The following GREB1L variants were observed in gnomAD, a reference collection of about 807,000 sequenced individuals.
The protein encoded by GREB1L is GREB1 like retinoic acid receptor coactivator.
Under a neutral mutation model 200.8 loss-of-function variants are expected in GREB1L, and 17 were observed. The ratio of observed to expected loss-of-function variants is 0.08; its 90% confidence interval spans 0.06 to 0.13. The LOEUF (loss-of-function observed/expected upper bound fraction) is 0.13, where lower values mean the gene tolerates loss of function less well. Ranked by LOEUF, GREB1L falls within the 10% of genes least tolerant of loss-of-function variation. GREB1L has a pLI of 1.00. For missense variants in GREB1L, 1,657 were observed against 2,367.7 expected, an observed-to-expected ratio of 0.70 and a Z score of 6.23; for synonymous variants, 789 against 893.0, an observed-to-expected ratio of 0.88 and a Z score of 2.08.
chr18:21,290,739 C>T (rs566636885), intron 1 of GREB1L, among the ~76,000 whole-genome samples: 5 of 150,888 alleles, frequency 3.3e-5, no homozygotes, highest in African/African-American at 1.2e-4. Context: ...CAGGAGAAAT[C>T]GCTTGAACCT....
chr18:21,408,137 A>C (rs2030501301), intron 7 of GREB1L, among the ~76,000 whole-genome samples: 1 of 144,054 alleles, frequency 6.9e-6, no homozygotes, highest in African/African-American at 2.5e-5. Flanking sequence ...TACACACACA[A>C]AAAAAGATAG....
intron 1 of GREB1L, among the ~76,000 whole-genome samples, chr18:21,352,582 T>C (rs1047297277): frequency 6.6e-6 from 1 of 151,812 alleles, no homozygotes; most frequent in Non-Finnish European, 1.5e-5. Context: ...TGCAGGTGCA[T>C]GCCACCATGC....
chr18:21,407,253 A>T (rs1165260929), intron 7 of GREB1L, among the ~76,000 whole-genome samples: 1 of 152,182 alleles, frequency 6.6e-6, no homozygotes, highest in East Asian at 1.9e-4. Context: ...TTTTTACTGA[A>T]GGGGGCTATA....
intron 23 of GREB1L, among the ~76,000 whole-genome samples, chr18:21,501,363 T>A (rs1411839272): frequency 1.3e-5 from 2 of 151,990 alleles, no homozygotes; most frequent in East Asian, 3.9e-4. Context: ...GTCATCTACG[T>A]TTTAAGCCCC....
rs11355874 is a variant in GREB1L at position 21,463,134 on chromosome 18, C to CTTTTTT, written c.2182+8595_2182+8600dup. On this transcript the variant is annotated intron_variant, in intron 15 of 32. Coordinates refer to ENST00000424526, the MANE Select transcript of GREB1L (RefSeq NM_001142966.3). ...CCGATAGGTAAATAGCTTAATGGTTCTTTTTTTTTTTTTTTTTTTTTTTTT... is the reference window on the plus strand; with the variant it reads ...CCGATAGGTAAATAGCTTAATGGTTCTTTTTTTTTTTTTTTTTTTTTTTTTTTTTTT... Among the ~76,000 whole-genome samples, 10 of 55,682 alleles carry CTTTTTT rather than the reference C, an allele frequency of 1.8e-4. 2 individuals are homozygous for CTTTTTT. The highest frequency in any genetic ancestry group is 4.0e-4 in the African/African-American group (5 of 12,636). The allele number at this position is 55,682 out of a possible 152,430, so 36.5% of individuals were successfully genotyped here.
At position 21,373,731 on chromosome 18, in the gene GREB1L, C is replaced by G. The variant is rs575640652; in HGVS notation, c.-10+7595C>G. Among the ~76,000 whole-genome samples, 4 of 152,278 alleles carry G rather than the reference C, an allele frequency of 2.6e-5. No homozygotes were observed. In the East Asian group the frequency reaches 5.8e-4, roughly 22 times the overall value. On this transcript the variant is annotated intron_variant, in intron 2 of 32. Coordinates refer to ENST00000424526, the MANE Select transcript of GREB1L (RefSeq NM_001142966.3). ...TGGTTACTTGGAAGTACAGAAAGAG[C>G]AGAATAAATGCTTTGTTCTTTTCTT... is the stretch of plus-strand genomic sequence containing the variant.
intron 7 of GREB1L, among the ~76,000 whole-genome samples, chr18:21,421,311 A>C (rs1169124548): frequency 1.3e-5 from 2 of 152,242 alleles, no homozygotes; most frequent in Admixed American, 1.3e-4. Flanking sequence ...CAACAGCATA[A>C]GAATGGATTA....
At chr18:21,278,910 A>G (rs368935512) in intron 1 of GREB1L, among the ~76,000 whole-genome samples, 1 of 152,216 alleles carries the variant, frequency 6.6e-6, no homozygotes, top group Non-Finnish European at 1.5e-5. Flanking sequence ...TAATAGTTAC[A>G]TTAGAATAGC....
At chr18:21,506,012 G>A in intron 25 of GREB1L, 63 bp downstream of exon 25, 1 of 1,459,206 alleles carries the variant, frequency 6.9e-7, no homozygotes, top group Non-Finnish European at 9.1e-7. Flanking sequence ...GTAAGGGTGG[G>A]GGGTGGAGGG....
chr18:21,271,649 CAAAAA>C (rs1191889292), intron 1 of GREB1L, among the ~76,000 whole-genome samples: 1 of 51,952 alleles, frequency 1.9e-5, no homozygotes, highest in Non-Finnish European at 4.1e-5. Context: ...GACCCTGTCT[CAAAAA>C]AAAAAAAAAA....
intron 1 of GREB1L, among the ~76,000 whole-genome samples, chr18:21,275,470 A>G (rs2038147263): frequency 6.6e-6 from 1 of 151,978 alleles, no homozygotes; most frequent in Non-Finnish European, 1.5e-5. Context: ...CCTGGCCAAC[A>G]TAGTGAAATC....
intron 30 of GREB1L, 52 bp downstream of exon 30, chr18:21,516,806 A>T (rs1433797510): frequency 1.3e-6 from 2 of 1,487,916 alleles, no homozygotes; most frequent in Non-Finnish European, 1.8e-6. Context: ...AATGATAATG[A>T]CTATCTTTGT....
chr18:21,308,053 T>C (rs1204534659), intron 1 of GREB1L, among the ~76,000 whole-genome samples: 3 of 152,258 alleles, frequency 2.0e-5, no homozygotes, highest in Non-Finnish European at 2.9e-5. Flanking sequence ...ATGTGCCATC[T>C]GTTTCCTGTT....
intron 1 of GREB1L, among the ~76,000 whole-genome samples, chr18:21,346,311 C>G (rs983447212): frequency 3.9e-5 from 6 of 152,094 alleles, no homozygotes; most frequent in African/African-American, 1.4e-4. Flanking sequence ...AAACACTCTC[C>G]CTGCATCCTG....
chr18:21,253,673 A>G (rs931982583), intron 1 of GREB1L, among the ~76,000 whole-genome samples: 7 of 152,230 alleles, frequency 4.6e-5, no homozygotes, highest in African/African-American at 1.7e-4. Flanking sequence ...CAAATCAGAA[A>G]AAGAAACATT....
chr18:21,395,213 A>G (rs909844999), intron 4 of GREB1L, among the ~76,000 whole-genome samples, 172 bp from the exon 5 acceptor site: 1 of 151,666 alleles, frequency 6.6e-6, no homozygotes, highest in Non-Finnish European at 1.5e-5. Flanking sequence ...AGCTTTGTTC[A>G]GAGGGCCACA....
At chr18:21,249,860 T>TA (rs78648006) in intron 1 of GREB1L, among the ~76,000 whole-genome samples, 1,988 of 134,440 alleles carry the variant, frequency 0.015, 10 homozygotes, top group Middle Eastern at 0.023. Flanking sequence ...ACTCTGTCTT[T>TA]AAAAAAAAAA....
At chr18:21,479,283 G>A (rs376596838) in intron 17 of GREB1L, among the ~76,000 whole-genome samples, 9 of 152,212 alleles carry the variant, frequency 5.9e-5, no homozygotes, top group African/African-American at 1.4e-4. Flanking sequence ...AGTCTTTTCC[G>A]AAAGGGATCA....
intron 25 of GREB1L, 92 bp from the exon 26 acceptor site, chr18:21,508,026 C>T (rs977757488): frequency 2.4e-6 from 3 of 1,229,266 alleles, no homozygotes; most frequent in African/African-American, 1.5e-5. Flanking sequence ...ATGTTAGTTT[C>T]CATCTCTTAA....
Sources: allele counts gnomAD v4.1 joint callset (sites outside exome capture counted in the v4.1 genomes callset), GRCh38; gene constraint gnomAD v4.1.1; transcripts MANE v1.5; gene names NCBI Gene and HGNC (gene_info 2026-07-23, HGNC 2026-07-21).